HMG20A: variants seen among roughly 807,000 people sequenced by gnomAD.
HMG20A encodes the protein high mobility group 20A.
Under a neutral mutation model 43.9 loss-of-function variants are expected in HMG20A, and 17 were observed. That is an observed-to-expected ratio of 0.39 (90% confidence interval 0.27 to 0.58). The LOEUF (loss-of-function observed/expected upper bound fraction) is 0.58. HMG20A is among the 20% of genes least tolerant of loss of function. The probability of loss-of-function intolerance (pLI) is 0.59; values close to 1 mark genes in which losing one functional copy is unlikely to be tolerated. For missense variants in HMG20A, 341 were observed against 438.2 expected, an observed-to-expected ratio of 0.78 and a Z score of 1.98; for synonymous variants, 132 against 147.5, an observed-to-expected ratio of 0.89 and a Z score of 0.76.
intron 6 of HMG20A, among the ~76,000 whole-genome samples, chr15:77,474,139 A>G (rs1032524949): frequency 6.6e-6 from 1 of 152,238 alleles, no homozygotes; most frequent in African/African-American, 2.4e-5. Context: ...GAAGGAGCCC[A>G]TGGAAAGGAG....
chr15:77,428,874 G>A (rs1413389858), intron 1 of HMG20A, among the ~76,000 whole-genome samples: 2 of 151,648 alleles, frequency 1.3e-5, no homozygotes, highest in Non-Finnish European at 2.9e-5. Flanking sequence ...GCTGAGGCCA[G>A]AGGATCGCAT....
chr15:77,499,527 TC>T, the HMG20A span, among the ~76,000 whole-genome samples: 30 of 151,196 alleles, frequency 2.0e-4, no homozygotes, highest in Non-Finnish European at 3.1e-4. Flanking sequence ...CACAGAATGC[TC>T]CCCCCCACAC....
At chr15:77,481,531 C>T (rs1310722337) in intron 9 of HMG20A, among the ~76,000 whole-genome samples, 1 of 152,132 alleles carries the variant, frequency 6.6e-6, no homozygotes, top group Non-Finnish European at 1.5e-5. Context: ...TAAGTATTGA[C>T]CCAAAAGTGG....
At chr15:77,513,818 C>T in the HMG20A span, among the ~76,000 whole-genome samples, 2 of 152,004 alleles carry the variant, frequency 1.3e-5, no homozygotes, top group East Asian at 1.9e-4. Context: ...CTCCACCTCC[C>T]GGGTTCAAGC....
chr15:77,507,842 G>A, the HMG20A span, among the ~76,000 whole-genome samples: 373 of 152,086 alleles, frequency 2.5e-3, 3 homozygotes, highest in South Asian at 0.025. Context: ...TAAAGATAGG[G>A]GGTTGGAGGA....
intron 3 of HMG20A, 101 bp downstream of exon 3, chr15:77,464,488 AT>A: frequency 8.2e-7 from 1 of 1,219,822 alleles, no homozygotes; most frequent in Non-Finnish European, 1.1e-6. Flanking sequence ...ACCTTCTTAT[AT>A]TCTTAGGCTG....
At chr15:77,460,359 A>G (rs1393870075) in intron 2 of HMG20A, among the ~76,000 whole-genome samples, 1 of 152,230 alleles carries the variant, frequency 6.6e-6, no homozygotes, top group Non-Finnish European at 1.5e-5. Context: ...AGGCAACTCA[A>G]AAGTTTTGGC....
At chr15:77,456,543 G>A (rs890202110) in intron 1 of HMG20A, among the ~76,000 whole-genome samples, 6 of 151,362 alleles carry the variant, frequency 4.0e-5, no homozygotes, top group Non-Finnish European at 7.4e-5. Flanking sequence ...TAGCTGGTGT[G>A]GTGGCACGTA....
intron 3 of HMG20A, among the ~76,000 whole-genome samples, chr15:77,465,105 A>G (rs964581848): frequency 2.6e-5 from 4 of 151,872 alleles, no homozygotes; most frequent in Non-Finnish European, 5.9e-5. Context: ...ACTAAAAAAT[A>G]CAAAAAATTA....
chr15:77,494,256 A>G, the HMG20A span, among the ~76,000 whole-genome samples: 1 of 152,108 alleles, frequency 6.6e-6, no homozygotes, highest in Non-Finnish European at 1.5e-5. Context: ...CAGTCTCCCA[A>G]GTAGTTAGGA....
intron 1 of HMG20A, among the ~76,000 whole-genome samples, chr15:77,426,329 G>T (rs1402519075): frequency 6.6e-6 from 1 of 152,154 alleles, no homozygotes; most frequent in Admixed American, 6.5e-5. Context: ...ATAGCTTACT[G>T]CTGACTGGAA....
Position 77,458,480 on chromosome 15 carries a change from G to C in HMG20A, c.73G>C (p.Asp25His). The C allele has an allele frequency of 6.2e-7, 1 of 1,612,086 alleles. No individual in the cohort carries two copies. Among genetic ancestry groups the C allele is most frequent in the Non-Finnish European group, 8.5e-7 (1 of 1,178,352 alleles). ...ADEDGSKESN[D>H]LATTGLNHPE... is the part of the protein sequence containing the mutation. ...TGAAGACGGTTCCAAGGAGAGTAAT[G>C]ATCTGGCTACCACTGGGTAAGCAGC... The change falls in exon 2 of 10, where the codon GAT becomes CAT. Residue 25 changes from aspartate to histidine, a missense_variant. Physicochemically the swap from Asp to His is moderately conservative, Grantham distance 81. Transcript: ENST00000336216.
chr15:77,424,321 A>G (rs1183406170), intron 1 of HMG20A, among the ~76,000 whole-genome samples: 6 of 152,170 alleles, frequency 3.9e-5, no homozygotes, highest in Non-Finnish European at 8.8e-5. Flanking sequence ...TATTGTGAAA[A>G]CAAATGAGAG....
chr15:77,439,898 AT>A (rs748315823), intron 1 of HMG20A, among the ~76,000 whole-genome samples: 6 of 150,844 alleles, frequency 4.0e-5, no homozygotes, highest in African/African-American at 9.7e-5. Context: ...GTGTATTGTC[AT>A]TTTTTTTTAT....
intron 1 of HMG20A, among the ~76,000 whole-genome samples, chr15:77,440,071 T>C (rs760214596): frequency 6.6e-6 from 1 of 152,208 alleles, no homozygotes; most frequent in Non-Finnish European, 1.5e-5. Context: ...TCTTCGTATA[T>C]TCTAAATATG....
intron 1 of HMG20A, among the ~76,000 whole-genome samples, chr15:77,448,989 C>T (rs2073705873): frequency 6.6e-6 from 1 of 151,964 alleles, no homozygotes. Context: ...GTAGGGGTTG[C>T]AGTAAGCAGA....
downstream of HMG20A, among the ~76,000 whole-genome samples, chr15:77,486,784 A>G (rs1185270608): frequency 2.6e-5 from 4 of 152,142 alleles, no homozygotes; most frequent in Non-Finnish European, 4.4e-5. Context: ...CTATTGTAAG[A>G]AGGATAGAGT....
intron 1 of HMG20A, among the ~76,000 whole-genome samples, chr15:77,446,214 C>T (rs2073672060): frequency 6.6e-6 from 1 of 152,014 alleles, no homozygotes; most frequent in Non-Finnish European, 1.5e-5. Context: ...GTTACCTAAC[C>T]CATTCAATTC....
rs191149468 is a variant in HMG20A at position 77,443,454 on chromosome 15, C to T, written c.-4-14950C>T. 5.1e-3 allele frequency among the ~76,000 whole-genome samples: 758 copies of T among 148,614 alleles called. 5 individuals are homozygous for T. The highest frequency in any genetic ancestry group is 0.017 in the African/African-American group (705 of 40,624). On this transcript the variant is annotated intron_variant, in intron 1 of 9. Transcript: ENST00000336216. ...TCACCCAGACTGGAGTGCAGTGGCACGATCTCACCTCACTGCAACATCCAC... is the reference window on the plus strand; with the variant it reads ...TCACCCAGACTGGAGTGCAGTGGCATGATCTCACCTCACTGCAACATCCAC...
Sources: gnomAD v4.1 joint callset for allele counts (sites outside exome capture counted in the v4.1 genomes callset) on GRCh38, gnomAD v4.1.1 for gene constraint, MANE v1.5 for transcripts, NCBI Gene and HGNC (gene_info 2026-07-23, HGNC 2026-07-21) for gene names.